Variants in DYNC1I1 observed in about 807,000 individuals in gnomAD.
DYNC1I1 encodes cytoplasmic dynein 1 intermediate chain 1.
DYNC1I1 carries 43 observed loss-of-function variants against 86.6 expected under a neutral mutation model. That is an observed-to-expected ratio of 0.50 (90% confidence interval 0.39 to 0.64). The LOEUF (loss-of-function observed/expected upper bound fraction) is 0.64, where lower values mean the gene tolerates loss of function less well. DYNC1I1 is among the 30% of genes least tolerant of loss of function. DYNC1I1 has a pLI of 0.00. For missense variants in DYNC1I1, 604 were observed against 788.8 expected (o/e 0.77, Z 2.81); for synonymous variants, 262 against 283.7 (o/e 0.92, Z 0.77).
intron 10 of DYNC1I1, among the ~76,000 whole-genome samples, chr7:96,020,833 C>T (rs1794528130): frequency 6.6e-6 from 1 of 152,142 alleles, no homozygotes; most frequent in Non-Finnish European, 1.5e-5. Flanking sequence ...GAAATTTTGA[C>T]ACATGCTACA....
intron 14 of DYNC1I1, among the ~76,000 whole-genome samples, chr7:96,045,171 GA>G (rs1382089775): frequency 6.6e-6 from 1 of 152,154 alleles, no homozygotes. Context: ...TAAGATCAAA[GA>G]ACAAGGATGA....
At chr7:96,054,069 G>C (rs937005606) in intron 14 of DYNC1I1, among the ~76,000 whole-genome samples, 2 of 152,060 alleles carry the variant, frequency 1.3e-5, no homozygotes, top group Admixed American at 1.3e-4. Context: ...CACGTGCCAT[G>C]GTGGTTTGCT....
intron 5 of DYNC1I1, among the ~76,000 whole-genome samples, chr7:95,833,611 G>A (rs1443243439): frequency 6.8e-6 from 1 of 147,672 alleles, no homozygotes; most frequent in Non-Finnish European, 1.5e-5. Flanking sequence ...AGCATGGAAT[G>A]TTCTTCCATT....
intron 6 of DYNC1I1, among the ~76,000 whole-genome samples, chr7:95,932,197 A>G (rs1349283237): frequency 6.6e-6 from 1 of 152,180 alleles, no homozygotes; most frequent in Non-Finnish European, 1.5e-5. Context: ...CCTATGGGTG[A>G]CTATGTAGCT....
intron 6 of DYNC1I1, among the ~76,000 whole-genome samples, chr7:95,885,588 C>G (rs1399813483): frequency 6.6e-6 from 1 of 152,196 alleles, no homozygotes; most frequent in Non-Finnish European, 1.5e-5. Context: ...AAAGGATCCT[C>G]CCTCCTCAGC....
Position 96,076,067 on chromosome 7 carries a change from C to T in DYNC1I1, c.1520C>T (p.Pro507Leu). 6.2e-7 allele frequency: 1 copy of T among 1,613,728 alleles called. No homozygotes were observed. Among genetic ancestry groups the T allele is most frequent in the South Asian group, 1.1e-5 (1 of 91,014 alleles). ...VKLWTTKHNK[P>L]LYSFEDNADY... ...CTCTCTGCTTTACAGCACAACAAGC[C>T]GCTCTACTCCTTTGAAGACAATGCA... is the stretch of plus-strand genomic sequence containing the variant. Residue 507 changes from proline to leucine, a missense_variant, in exon 15 of 17, where the codon CCG (proline) becomes CTG (leucine). Coordinates refer to ENST00000447467, the MANE Select transcript of DYNC1I1 (RefSeq NM_001135556.2).
At position 95,984,930 on chromosome 7, in the gene DYNC1I1, C is replaced by G. The variant is rs142927191; in HGVS notation, c.696C>G (p.Ser232=). The G allele has an allele frequency of 3.7e-6, 6 of 1,613,400 alleles. No individual in the cohort carries two copies. The highest frequency in any genetic ancestry group is 5.1e-6 in the Non-Finnish European group (6 of 1,179,652). Residue 232 remains serine, a synonymous_variant, in exon 8 of 17, where the codon TCC becomes TCG. Coordinates refer to ENST00000447467, the MANE Select transcript of DYNC1I1 (RefSeq NM_001135556.2). Reference sequence around the variant, plus strand: ...TTGAAAGAGCCCTGGCTGAAGATTCCGACATCTTTTTTGACTACAGCGGCC... The same window carrying G: ...TTGAAAGAGCCCTGGCTGAAGATTCGGACATCTTTTTTGACTACAGCGGCC... The part of the protein sequence containing the change: ...RVIERALAED[S]DIFFDYSGRE...
At chr7:96,036,989 A>T (rs1562980636) in intron 13 of DYNC1I1, among the ~76,000 whole-genome samples, 1 of 151,984 alleles carries the variant, frequency 6.6e-6, no homozygotes, top group Non-Finnish European at 1.5e-5. Context: ...CATCTCTTGC[A>T]CTCATCCGAG....
At chr7:95,893,173 AAC>A (rs1226215243) in intron 6 of DYNC1I1, among the ~76,000 whole-genome samples, 1 of 152,224 alleles carries the variant, frequency 6.6e-6, no homozygotes, top group Non-Finnish European at 1.5e-5. Context: ...TTTCCAAAGA[AAC>A]ACACATTTAT....
intron 8 of DYNC1I1, among the ~76,000 whole-genome samples, chr7:95,985,861 G>T (rs906996631): frequency 6.6e-6 from 1 of 152,132 alleles, no homozygotes; most frequent in African/African-American, 2.4e-5. Context: ...ACAGTAGGCA[G>T]CATCTTTAGA....
At chr7:95,784,115 C>T (rs1458142423) in intron 1 of DYNC1I1, among the ~76,000 whole-genome samples, 1 of 152,052 alleles carries the variant, frequency 6.6e-6, no homozygotes, top group Non-Finnish European at 1.5e-5. Flanking sequence ...GAATTAGGAT[C>T]GTGGGAGTGT....
At chr7:95,818,748 C>G (rs1795007547) in intron 4 of DYNC1I1, 1 of 419,208 alleles carries the variant, frequency 2.4e-6, no homozygotes, top group Non-Finnish European at 4.2e-6. Flanking sequence ...GTTTCCACCA[C>G]CAGAGTAGCA....
chr7:95,812,197 C>T (rs1380413134), intron 3 of DYNC1I1, among the ~76,000 whole-genome samples: 1 of 152,088 alleles, frequency 6.6e-6, no homozygotes, highest in Non-Finnish European at 1.5e-5. Flanking sequence ...GCCCTTTACC[C>T]TATTAAGTAA....
At position 95,984,854 on chromosome 7, in the gene DYNC1I1, T is replaced by G. The variant is rs756508694; in HGVS notation, c.620T>G (p.Ile207Ser). Reference sequence around the variant, plus strand: ...TTGACAGAGGAAGAAAAACAGCAGATCCTTCATTCAGAGGAATTTCTCATC... The same window carrying G: ...TTGACAGAGGAAGAAAAACAGCAGAGCCTTCATTCAGAGGAATTTCTCATC... The part of the protein sequence containing the change: ...RELTEEEKQQ[I>S]LHSEEFLIFF... Residue 207 changes from isoleucine to serine, a missense_variant, in exon 8 of 17, where the codon ATC (isoleucine) becomes AGC (serine). Transcript: ENST00000447467. 1.9e-6 allele frequency: 3 copies of G among 1,612,634 alleles called. No individual in the cohort carries two copies. The African/African-American group carries it at 4.0e-5, about 22-fold the overall frequency.
Position 96,097,792 on chromosome 7 carries a change from T to C in DYNC1I1, c.*199T>C. On this transcript the variant is annotated 3_prime_UTR_variant, in exon 17 of 17. Transcript: ENST00000447467. ...CACTGACCCAAAATTCACCACAGCA[T>C]TTCTATCTTTATATTTCTGTCTCAA... is the stretch of plus-strand genomic sequence containing the variant. 7.6e-7 allele frequency: 1 copy of C among 1,308,402 alleles called. No individual in the cohort carries two copies. Among genetic ancestry groups the C allele is most frequent in the African/African-American group, 1.5e-5 (1 of 67,582 alleles). The allele number at this position is 1,308,402 out of a possible 1,614,324, so 81.0% of individuals were successfully genotyped here. A position where few individuals can be genotyped will look rare whatever the true frequency, so the allele number is the denominator to read the frequency against.
chr7:95,944,143 T>G (rs1377125260), intron 6 of DYNC1I1, among the ~76,000 whole-genome samples: 2 of 151,946 alleles, frequency 1.3e-5, no homozygotes, highest in Non-Finnish European at 2.9e-5. Context: ...AGGGCTAATA[T>G]CCAGCATCTA....
At chr7:95,791,350 C>T (rs1363857158) in intron 1 of DYNC1I1, among the ~76,000 whole-genome samples, 1 of 152,188 alleles carries the variant, frequency 6.6e-6, no homozygotes, top group Non-Finnish European at 1.5e-5. Context: ...CTTTGTTGCA[C>T]AGAGAATCTG....
intron 6 of DYNC1I1, among the ~76,000 whole-genome samples, chr7:95,941,582 C>T (rs1201236475): frequency 1.3e-5 from 2 of 152,218 alleles, no homozygotes; most frequent in African/African-American, 4.8e-5. Flanking sequence ...CAGTGAGATT[C>T]CATGGGCATA....
chr7:95,783,170 A>G (rs1040491327), intron 1 of DYNC1I1, among the ~76,000 whole-genome samples: 1 of 152,220 alleles, frequency 6.6e-6, no homozygotes, highest in Non-Finnish European at 1.5e-5. Flanking sequence ...CCTCCTGTCC[A>G]TATCACTAAC....
Sources: gnomAD v4.1 joint callset for allele counts (sites outside exome capture counted in the v4.1 genomes callset) on GRCh38, gnomAD v4.1.1 for gene constraint, MANE v1.5 for transcripts, NCBI Gene and HGNC (gene_info 2026-07-23, HGNC 2026-07-21) for gene names.